Variants in ITIH5 observed in about 807,000 individuals in gnomAD.
ITIH5 encodes the protein inter-alpha-trypsin inhibitor heavy chain 5.
A neutral mutation model predicts 77.5 loss-of-function variants in ITIH5; 65 were observed. The observed-to-expected ratio is 0.84, with a 90% CI of 0.69 to 1.03. ITIH5 has a LOEUF of 1.03. ITIH5 is among the 50% of genes least tolerant of loss of function. The pLI is 0.00. For missense variants in ITIH5, 1,208 were observed against 1,213.1 expected (o/e 1.00, Z 0.06); for synonymous variants, 525 against 494.3 (o/e 1.06, Z -0.82).
At chr10:7,573,320 A>T in intron 10 of ITIH5, 125 bp from the exon 11 acceptor site, 1 of 724,920 alleles carries the variant, frequency 1.4e-6, no homozygotes, top group Non-Finnish European at 2.3e-6. Context: ...AGCTTAAATA[A>T]TCAAAAGACC....
At chr10:7,594,391 C>T (rs545483174) in intron 7 of ITIH5, among the ~76,000 whole-genome samples, 6 of 152,220 alleles carry the variant, frequency 3.9e-5, no homozygotes, top group African/African-American at 1.4e-4. Context: ...CTCTAAGCTC[C>T]CTCTAGGGGC....
intron 7 of ITIH5, among the ~76,000 whole-genome samples, chr10:7,597,043 T>G (rs111279799): frequency 2.6e-5 from 1 of 38,156 alleles, no homozygotes; most frequent in South Asian, 6.7e-4. Context: ...AGTCTCCAAC[T>G]CAAAAAAAAA....
chr10:7,604,011 C>A (rs1007756233), intron 7 of ITIH5, among the ~76,000 whole-genome samples: 2 of 152,158 alleles, frequency 1.3e-5, no homozygotes, highest in African/African-American at 4.8e-5. Flanking sequence ...GAATCCCCTG[C>A]AGCATAAGTT....
At chr10:7,629,482 T>C in intron 5 of ITIH5, among the ~76,000 whole-genome samples, 1 of 151,438 alleles carries the variant, frequency 6.6e-6, no homozygotes, top group South Asian at 2.1e-4. Flanking sequence ...TTCGCATGTG[T>C]CCATGTTGTA....
intron 7 of ITIH5, among the ~76,000 whole-genome samples, chr10:7,595,531 T>C (rs12217465): frequency 0.28 from 43,163 of 152,046 alleles, 6,795 homozygotes; most frequent in Non-Finnish European, 0.35. Flanking sequence ...TGTTTAATAC[T>C]ATTTTATGGT....
intron 7 of ITIH5, among the ~76,000 whole-genome samples, chr10:7,604,960 G>A (rs1833093288): frequency 6.6e-6 from 1 of 151,940 alleles, no homozygotes; most frequent in Non-Finnish European, 1.5e-5. Context: ...TAGCTGGGAT[G>A]ATAGGTGCCC....
Position 7,617,276 on chromosome 10 carries a change from G to C in ITIH5, c.659C>G (p.Ser220Cys). 1 of 1,549,582 alleles carries C rather than the reference G, an allele frequency of 6.5e-7. No individual in the cohort carries two copies. The highest frequency in any genetic ancestry group is 1.3e-5 in the South Asian group (1 of 78,916). Residue 220 changes from serine (S) to cysteine (C), a missense_variant, in exon 6 of 14, where the codon TCT becomes TGT. Physicochemically the swap from Ser to Cys is moderately radical, Grantham distance 112 (BLOSUM62 -1). Transcript: ENST00000397146. ...AATGACAGTAGATGGGGGAGGCCCA[G>C]AATCATCTGCAAACAAGATAGAAAC... ...QRGSGRGEDDSGPPPSTVINQ... is the reference protein window; with the variant it reads ...QRGSGRGEDDCGPPPSTVINQ...
At chr10:7,666,231 C>T (rs1471011739) in intron 1 of ITIH5, among the ~76,000 whole-genome samples, 1 of 152,100 alleles carries the variant, frequency 6.6e-6, no homozygotes, top group East Asian at 1.9e-4. Context: ...ACATTTGAAA[C>T]ACAAATCCTG....
chr10:7,567,239 C>T (rs1832204148), intron 12 of ITIH5, among the ~76,000 whole-genome samples: 2 of 151,864 alleles, frequency 1.3e-5, no homozygotes, highest in South Asian at 4.2e-4. Flanking sequence ...TCCAGTGTGG[C>T]TGTAGTGATA....
chr10:7,593,984 C>T (rs1832846949), intron 7 of ITIH5, among the ~76,000 whole-genome samples: 1 of 152,212 alleles, frequency 6.6e-6, no homozygotes, highest in Non-Finnish European at 1.5e-5. Context: ...GGAGCGTCCA[C>T]ACAGAAGGGT....
At chr10:7,575,664 A>G (rs1238617940) in intron 10 of ITIH5, among the ~76,000 whole-genome samples, 2 of 152,130 alleles carry the variant, frequency 1.3e-5, no homozygotes, top group Admixed American at 1.3e-4. Flanking sequence ...AGAGACTGAC[A>G]TGGAAAGACC....
chr10:7,665,182 GT>G (rs1304136307), intron 1 of ITIH5, among the ~76,000 whole-genome samples: 6 of 152,176 alleles, frequency 3.9e-5, no homozygotes, highest in African/African-American at 1.4e-4. Context: ...GTCAAGCCAT[GT>G]TTTTTTATGA....
At chr10:7,565,767 C>A (rs929203734) in intron 13 of ITIH5, among the ~76,000 whole-genome samples, 1 of 139,330 alleles carries the variant, frequency 7.2e-6, no homozygotes, top group Non-Finnish European at 1.5e-5. Flanking sequence ...TGCATGTACA[C>A]ATATGCATAC....
chr10:7,666,399 C>T (rs192085588), intron 1 of ITIH5, among the ~76,000 whole-genome samples: 1 of 152,070 alleles, frequency 6.6e-6, no homozygotes, highest in Non-Finnish European at 1.5e-5. Flanking sequence ...TCTAGAACTC[C>T]TCTCATATTG....
intron 7 of ITIH5, among the ~76,000 whole-genome samples, chr10:7,610,443 T>G (rs1159912410): frequency 6.6e-6 from 1 of 152,196 alleles, no homozygotes; most frequent in Non-Finnish European, 1.5e-5. Context: ...TTCAAGTAAT[T>G]ATTAAATGCC....
intron 7 of ITIH5, among the ~76,000 whole-genome samples, chr10:7,590,758 C>T (rs757294205): frequency 3.9e-5 from 6 of 152,190 alleles, no homozygotes; most frequent in East Asian, 1.9e-4. Flanking sequence ...AATTCCCATA[C>T]GTGGAAGCGG....
chr10:7,649,631 T>C (rs1834065160), intron 2 of ITIH5, among the ~76,000 whole-genome samples: 1 of 152,052 alleles, frequency 6.6e-6, no homozygotes, highest in Non-Finnish European at 1.5e-5. Context: ...TAAGAAAATG[T>C]TTTAAAACAG....
chr10:7,565,338 A>G (rs10795553), intron 13 of ITIH5, among the ~76,000 whole-genome samples: 100,472 of 148,402 alleles, frequency 0.68, 35,068 homozygotes, highest in Non-Finnish European at 0.77. Flanking sequence ...ACACATACAA[A>G]GATGGTATAC....
At chr10:7,608,044 G>T (rs1011439074) in intron 7 of ITIH5, among the ~76,000 whole-genome samples, 1 of 152,092 alleles carries the variant, frequency 6.6e-6, no homozygotes, top group African/African-American at 2.4e-5. Flanking sequence ...ATTTTTATTT[G>T]CATGATAGCC....
Sources: allele counts gnomAD v4.1 joint callset (sites outside exome capture counted in the v4.1 genomes callset), GRCh38; gene constraint gnomAD v4.1.1; transcripts MANE v1.5; gene names NCBI Gene and HGNC (gene_info 2026-07-23, HGNC 2026-07-21).